The following HYCC1 variants were observed in gnomAD, a reference collection of about 807,000 sequenced individuals.
The protein encoded by HYCC1 is hyccin.
At chr7:22,966,091 AAAAACTGTCC>A in the HYCC1 span, among the ~76,000 whole-genome samples, 2 of 152,226 alleles carry the variant, frequency 1.3e-5, no homozygotes, top group Admixed American at 1.3e-4. Context: ...GACAGGGAAA[AAAAACTGTCC>A]AAAACAACAG....
the HYCC1 span, among the ~76,000 whole-genome samples, chr7:22,973,284 T>C: frequency 3.6e-4 from 55 of 152,208 alleles, no homozygotes; most frequent in Non-Finnish European, 6.6e-4. Flanking sequence ...AGGCTTAACA[T>C]GATTAACAAA....
chr7:22,926,138 A>G, the HYCC1 span, among the ~76,000 whole-genome samples: 1 of 152,162 alleles, frequency 6.6e-6, no homozygotes, highest in African/African-American at 2.4e-5. Flanking sequence ...ATGCTGAGAG[A>G]TTTTGTCACC....
At chr7:22,977,135 T>C in the HYCC1 span, among the ~76,000 whole-genome samples, 3 of 138,156 alleles carry the variant, frequency 2.2e-5, no homozygotes, top group African/African-American at 2.7e-5. Flanking sequence ...ATACTTTCAA[T>C]AGATCTCTTA....
At chr7:22,900,924 A>C in the HYCC1 span, among the ~76,000 whole-genome samples, 1 of 152,136 alleles carries the variant, frequency 6.6e-6, no homozygotes, top group Non-Finnish European at 1.5e-5. Context: ...TTGAAAGTAC[A>C]TGCAACGAAA....
At chr7:22,990,070 G>A in the HYCC1 span, among the ~76,000 whole-genome samples, 1 of 152,128 alleles carries the variant, frequency 6.6e-6, no homozygotes, top group Admixed American at 6.6e-5. Context: ...TTCAACCCAG[G>A]TGCAGAGATA....
the HYCC1 span, among the ~76,000 whole-genome samples, chr7:22,907,041 G>C: frequency 7.1e-6 from 1 of 141,664 alleles, no homozygotes; most frequent in Non-Finnish European, 1.5e-5. Context: ...GGAGGCAGAG[G>C]TTGCAGTAAG....
chr7:22,989,285 AACACACACACAC>A, the HYCC1 span, among the ~76,000 whole-genome samples: 506 of 148,690 alleles, frequency 3.4e-3, 6 homozygotes, highest in Middle Eastern at 0.014. Flanking sequence ...ACAAGCAGGA[AACACACACACAC>A]ACACACACAC....
chr7:22,906,815 C>G, the HYCC1 span, among the ~76,000 whole-genome samples: 1 of 152,014 alleles, frequency 6.6e-6, no homozygotes, highest in Non-Finnish European at 1.5e-5. Flanking sequence ...ATGAAAAATA[C>G]ACACCTGGCT....
At chr7:22,977,476 ACAAAC>A in the HYCC1 span, 1 of 1,062,610 alleles carries the variant, frequency 9.4e-7, no homozygotes, top group Non-Finnish European at 1.4e-6. Flanking sequence ...ACACAAATTT[ACAAAC>A]TAAATTTAAA....
chr7:22,945,967 A>G, the HYCC1 span: 10 of 1,613,598 alleles, frequency 6.2e-6, no homozygotes, highest in African/African-American at 1.3e-5. Flanking sequence ...ATTCCCCTGT[A>G]GTTTCTTTTT....
the HYCC1 span, among the ~76,000 whole-genome samples, chr7:22,902,474 T>G: frequency 6.6e-6 from 1 of 152,198 alleles, no homozygotes; most frequent in East Asian, 1.9e-4. Context: ...GCTAGTTCTT[T>G]GAAAATATTA....
the HYCC1 span, among the ~76,000 whole-genome samples, chr7:22,962,958 T>C: frequency 6.6e-6 from 1 of 152,074 alleles, no homozygotes. Flanking sequence ...GCTCTCCACC[T>C]AAGTACCAGG....
At chr7:22,935,850 T>C in the HYCC1 span, 17 of 150,870 alleles carry the variant, frequency 1.1e-4, no homozygotes, top group African/African-American at 3.2e-4. Flanking sequence ...GCTTTCACCA[T>C]GTTGGCCAGG....
chr7:22,960,502 C>G, the HYCC1 span: 2 of 1,064,020 alleles, frequency 1.9e-6, no homozygotes, highest in Non-Finnish European at 2.9e-6. Flanking sequence ...TGATGCTAAA[C>G]AGGCTTATAC....
chr7:22,962,747 A>G, the HYCC1 span, among the ~76,000 whole-genome samples: 1 of 145,916 alleles, frequency 6.9e-6, no homozygotes, highest in Admixed American at 6.9e-5. Flanking sequence ...ACCTCCCCCC[A>G]TTTCCATGCC....
the HYCC1 span, among the ~76,000 whole-genome samples, chr7:22,981,552 C>T: frequency 1.6e-4 from 25 of 152,110 alleles, no homozygotes; most frequent in Non-Finnish European, 2.9e-4. Flanking sequence ...ATACAGAATA[C>T]ACACAGTCTT....
chr7:22,933,878 C>T, the HYCC1 span, among the ~76,000 whole-genome samples: 3 of 152,090 alleles, frequency 2.0e-5, no homozygotes, highest in Non-Finnish European at 4.4e-5. Flanking sequence ...AAATTTTTGA[C>T]ACAATGTTAG....
At chr7:22,964,385 T>C in the HYCC1 span, 2 of 1,199,194 alleles carry the variant, frequency 1.7e-6, no homozygotes, top group African/African-American at 1.5e-5. Flanking sequence ...AGAAATTAAA[T>C]GTTTATTTCG....
the HYCC1 span, among the ~76,000 whole-genome samples, chr7:23,009,416 C>G: frequency 6.6e-6 from 1 of 152,108 alleles, no homozygotes; most frequent in East Asian, 1.9e-4. Flanking sequence ...AAGAATCATA[C>G]TTTAATTCTT....
Sources: gnomAD v4.1 joint callset for allele counts (sites outside exome capture counted in the v4.1 genomes callset) on GRCh38, gnomAD v4.1.1 for gene constraint, MANE v1.5 for transcripts, NCBI Gene and HGNC (gene_info 2026-07-23, HGNC 2026-07-21) for gene names.